The following PTCH1 variants were observed in gnomAD, a reference collection of about 807,000 sequenced individuals.
The protein encoded by PTCH1 is patched 1.
PTCH1 carries 14 observed loss-of-function variants against 144.6 expected under a neutral mutation model. The observed-to-expected ratio is 0.10, with a 90% confidence interval of 0.06 to 0.15. PTCH1 has a LOEUF of 0.15. Ranked by LOEUF, PTCH1 falls within the 10% of genes least tolerant of loss-of-function variation. PTCH1 has a pLI of 1.00. For missense variants in PTCH1, 1,623 were observed against 1,948.3 expected (o/e 0.83, Z 3.14); for synonymous variants, 833 against 793.6 (o/e 1.05, Z -0.83).
intron 15 of PTCH1, among the ~76,000 whole-genome samples, chr9:95,463,474 T>C (rs1218533621): frequency 6.6e-6 from 1 of 152,118 alleles, no homozygotes; most frequent in Non-Finnish European, 1.5e-5. Flanking sequence ...TGTTATTTTA[T>C]TACTGAAAGC....
At chr9:95,516,505 G>A (rs2118956539) in exon 1 of PTCH1, 1 of 1,536,984 alleles carries the variant, frequency 6.5e-7, no homozygotes. Context: ...GAGCGCGGGT[G>A]CCGATGGCGC....
At chr9:95,454,276 G>T (rs1344802209) in intron 19 of PTCH1, among the ~76,000 whole-genome samples, 2 of 152,206 alleles carry the variant, frequency 1.3e-5, no homozygotes, top group Non-Finnish European at 2.9e-5. Context: ...AATTCTGGAA[G>T]ATCAGACTGT....
chr9:95,507,805 G>T, intron 1 of PTCH1: 1 of 490,288 alleles, frequency 2.0e-6, no homozygotes, highest in Non-Finnish European at 2.9e-6. Context: ...TTCAGGGCAG[G>T]GGGCACGGGG....
In PTCH1 at chr9:95,449,892, A is replaced by G. The variant is rs2136607870; in HGVS notation, c.3498T>C (p.Asn1166=). 1 of 1,614,220 alleles carries G rather than the reference A, an allele frequency of 6.2e-7. No individual in the cohort carries two copies. The highest frequency in any genetic ancestry group is 8.5e-7 in the Non-Finnish European group (1 of 1,180,030). ...AAAGCACGGGAAGCAAAACCAGCCC[A>G]TTGAGAACGCCGAGGATGGTGAGGA... ...LAILTILGVL[N]GLVLLPVLLS... is the part of the protein sequence containing the mutation. The change falls in exon 21 of 24, where the codon AAT becomes AAC. Residue 1166 remains asparagine (N), a synonymous_variant. Coordinates refer to ENST00000331920, the MANE Select transcript of PTCH1 (RefSeq NM_000264.5). The surrounding 1 kb of genome is among the most constrained non-coding windows in gnomAD (Gnocchi z 5.3).
chr9:95,508,158 C>T lies in PTCH1; in HGVS notation c.201+3G>A, dbSNP rs1394306522. On this transcript the variant is annotated splice_donor_region_variant and intron_variant, in intron 1 of 23. Transcript: ENST00000331920. ...AAGTGGGAGGAGAGAGTCTGAAATG[C>T]ACCTTGGAAATCTGCTCCAGAGCGA... 4 of 1,612,632 alleles carry T rather than the reference C, an allele frequency of 2.5e-6. No homozygotes were observed. Among genetic ancestry groups the T allele is most frequent in the East Asian group, 2.2e-5 (1 of 44,850 alleles).
intron 2 of PTCH1, among the ~76,000 whole-genome samples, chr9:95,486,480 G>C (rs112874940): frequency 2.6e-5 from 4 of 152,262 alleles, no homozygotes; most frequent in African/African-American, 9.6e-5. Context: ...GCAGTCCCTG[G>C]AACCTGGTTC....
intron 12 of PTCH1, among the ~76,000 whole-genome samples, chr9:95,472,243 T>A (rs1840649812): frequency 6.6e-6 from 1 of 152,210 alleles, no homozygotes; most frequent in African/African-American, 2.4e-5. Flanking sequence ...AGGTTCTCAC[T>A]GCTCTTGACA....
chr9:95,495,630 CA>C (rs1842738896), intron 2 of PTCH1, among the ~76,000 whole-genome samples: 1 of 152,046 alleles, frequency 6.6e-6, no homozygotes, highest in South Asian at 2.1e-4. Flanking sequence ...TCAAGGCTAA[CA>C]CCTCCAGAAC....
At chr9:95,489,906 T>C (rs373956907) in intron 2 of PTCH1, among the ~76,000 whole-genome samples, 47 of 151,400 alleles carry the variant, frequency 3.1e-4, no homozygotes, top group African/African-American at 9.9e-4. Context: ...GTTCACGCCA[T>C]TCTCCTGCCT....
In PTCH1 at chr9:95,467,365, C is replaced by T. The variant is rs1357637254; in HGVS notation, c.2311G>A (p.Val771Met). ...LGVSLYGTTR[V>M]RDGLDLTDIV... ...TCCGTAAGGTCCAGCCCGTCTCTCA[C>T]TCGGGTGGTGCCATAAAGGCTGACC... Residue 771 changes from valine (V) to methionine (M), a missense_variant, in exon 15 of 24, where the codon GTG becomes ATG. This residue lies in a region of PTCH1 where 504 missense variants were observed against 679.3 expected (regional missense o/e 0.74). Coordinates refer to ENST00000331920, the MANE Select transcript of PTCH1 (RefSeq NM_000264.5). 1.2e-6 allele frequency: 2 copies of T among 1,614,230 alleles called. No homozygotes were observed. The highest frequency in any genetic ancestry group is 1.7e-6 in the Non-Finnish European group (2 of 1,180,044).
At chr9:95,450,426 CA>C in intron 20 of PTCH1, 1 of 216,988 alleles carries the variant, frequency 4.6e-6, no homozygotes, top group Non-Finnish European at 9.3e-6. Context: ...GCTGCTAATC[CA>C]CTGTGAAATG....
intron 16 of PTCH1, among the ~76,000 whole-genome samples, chr9:95,460,270 G>A (rs938843381): frequency 6.6e-6 from 1 of 152,136 alleles, no homozygotes; most frequent in Admixed American, 6.5e-5. Flanking sequence ...TATGACCTGT[G>A]GATTCAAAAA....
chr9:95,516,540 C>A (rs1388043684), exon 1 of PTCH1: 65 of 1,541,272 alleles, frequency 4.2e-5, no homozygotes, highest in Non-Finnish European at 5.7e-5. Context: ...GATTTCACAT[C>A]AATTCCTTTT....
chr9:95,448,942 G>A lies in PTCH1; in HGVS notation c.3804+127C>T. ...TATTTCCTATGATTTGACCTAGTCT[G>A]TACCTTATCTCTGCATCCCATCTGC... On this transcript the variant is annotated intron_variant, in intron 22 of 23. Transcript: ENST00000331920. 27 of 1,339,720 alleles carry A rather than the reference G, an allele frequency of 2.0e-5. No homozygotes were observed. The South Asian group carries it at 3.4e-4, about 17-fold the overall frequency. 83.0% of individuals were successfully genotyped at this position (1,339,720 alleles called of 1,614,324 possible).
intron 1 of PTCH1, among the ~76,000 whole-genome samples, chr9:95,515,620 A>G (rs994941477): frequency 4.6e-5 from 7 of 152,166 alleles, no homozygotes; most frequent in African/African-American, 1.7e-4. Flanking sequence ...CCGGGCCTGT[A>G]AAGTGAGAAT....
At chr9:95,494,989 G>A (rs1360401409) in intron 2 of PTCH1, 1 of 152,368 alleles carries the variant, frequency 6.6e-6, no homozygotes, top group Non-Finnish European at 1.5e-5. Context: ...GAGCCGACAT[G>A]GGGGAGAAGA....
Position 95,508,301 on chromosome 9 carries a change from T to G in PTCH1, c.61A>C (p.Ile21Leu), listed in dbSNP as rs756724967. ...QDRGGGGSGC[I>L]GAPGRPAGGG... The stretch of plus-strand genomic sequence containing the variant: ...CCAGCCGGCCGTCCCGGGGCACCGA[T>G]ACAGCCGCTGCCGCCGCCGCCGCGG... Residue 21 changes from isoleucine (I) to leucine (L), a missense_variant, in exon 1 of 24, where the codon ATC (isoleucine) becomes CTC (leucine). Transcript: ENST00000331920. The G allele has an allele frequency of 4.9e-6, 7 of 1,440,200 alleles. No individual in the cohort carries two copies. In the East Asian group the frequency reaches 1.4e-4, roughly 29 times the overall value. 89.2% of individuals were successfully genotyped at this position (1,440,200 alleles called of 1,614,324 possible).
At chr9:95,454,714 C>G (rs1389549473) in intron 19 of PTCH1, among the ~76,000 whole-genome samples, 1 of 152,192 alleles carries the variant, frequency 6.6e-6, no homozygotes, top group Non-Finnish European at 1.5e-5. Flanking sequence ...GAACGGGAAC[C>G]CACTGATTTC....
chr9:95,497,174 T>C (rs1223257400), intron 2 of PTCH1, among the ~76,000 whole-genome samples: 2 of 152,126 alleles, frequency 1.3e-5, no homozygotes, highest in African/African-American at 4.8e-5. Context: ...TCACAAAACA[T>C]GTTCGTATTA....
Sources: allele counts gnomAD v4.1 joint callset (sites outside exome capture counted in the v4.1 genomes callset), GRCh38; gene constraint gnomAD v4.1.1; regional missense constraint gnomAD v4.1.1; non-coding constraint Gnocchi (gnomAD v3.1); transcripts MANE v1.5; gene names NCBI Gene and HGNC (gene_info 2026-07-23, HGNC 2026-07-21).